UST: variants seen among roughly 807,000 people sequenced by gnomAD.
The protein encoded by UST is uronyl 2-sulfotransferase.
A neutral mutation model predicts 45.6 loss-of-function variants in UST; 21 were observed. The observed-to-expected ratio is 0.46, with a 90% CI of 0.33 to 0.66. UST has a LOEUF of 0.66. Among genes scored for constraint, UST ranks in the 30% least tolerant of loss-of-function variants. The pLI, the probability that UST is intolerant of heterozygous loss-of-function variation, is 0.02. For missense variants in UST, 463 were observed against 512.4 expected (o/e 0.90, Z 0.93); for synonymous variants, 215 against 200.6 (o/e 1.07, Z -0.61).
At chr6:148,827,867 T>C (rs558943252) in intron 1 of UST, among the ~76,000 whole-genome samples, 12 of 152,146 alleles carry the variant, frequency 7.9e-5, no homozygotes, top group Non-Finnish European at 1.6e-4. Context: ...ATTTTTACCC[T>C]CAAGCATGTA....
chr6:148,767,610 G>C (rs1266334222), intron 1 of UST, among the ~76,000 whole-genome samples: 2 of 151,940 alleles, frequency 1.3e-5, no homozygotes, highest in Non-Finnish European at 2.9e-5. Flanking sequence ...TATAGCCAGA[G>C]AAAATAATTG....
chr6:148,823,011 G>C (rs1190866330), intron 1 of UST, among the ~76,000 whole-genome samples: 1 of 152,100 alleles, frequency 6.6e-6, no homozygotes, highest in Admixed American at 6.5e-5. Context: ...TGGGTAAGTG[G>C]GTATATGTGC....
chr6:148,920,069 A>G (rs1779671046), intron 2 of UST, among the ~76,000 whole-genome samples: 1 of 151,364 alleles, frequency 6.6e-6, no homozygotes, highest in African/African-American at 2.5e-5. Flanking sequence ...GAAGGCAGGT[A>G]CACAAAAAAC....
chr6:148,835,984 A>G (rs1777779874), intron 1 of UST, among the ~76,000 whole-genome samples: 1 of 152,144 alleles, frequency 6.6e-6, no homozygotes, highest in African/African-American at 2.4e-5. Context: ...TTGTCTGGCC[A>G]ATAACTTACT....
chr6:148,987,486 A>T lies in UST; in HGVS notation c.681+22923A>T, dbSNP rs118104076. Among the ~76,000 whole-genome samples, 565 of 152,282 alleles carry T rather than the reference A, an allele frequency of 3.7e-3. 2 individuals carry two copies. Among genetic ancestry groups the T allele is most frequent in the Non-Finnish European group, 5.4e-3 (368 of 68,024 alleles). On this transcript the variant is annotated intron_variant, in intron 5 of 7. Coordinates refer to ENST00000367463, the MANE Select transcript of UST (RefSeq NM_005715.3). Reference sequence around the variant, plus strand: ...CACTGCAGACTGTGTAACGTGAATAACAAAAAAAAAATTTCTACTGCACAT... The same window carrying T: ...CACTGCAGACTGTGTAACGTGAATATCAAAAAAAAAATTTCTACTGCACAT...
chr6:149,072,629 G>A (rs1776835335), intron 7 of UST, among the ~76,000 whole-genome samples: 1 of 143,238 alleles, frequency 7.0e-6, no homozygotes, highest in Non-Finnish European at 1.5e-5. Flanking sequence ...CTCCAGCCTG[G>A]ACAACAAGAG....
intron 1 of UST, among the ~76,000 whole-genome samples, chr6:148,854,755 A>G (rs547307292): frequency 6.6e-6 from 1 of 152,336 alleles, no homozygotes; most frequent in African/African-American, 2.4e-5. Flanking sequence ...GTAATACACA[A>G]AACTTGGGTC....
chr6:148,926,341 G>A (rs369160501), intron 2 of UST, among the ~76,000 whole-genome samples: 27 of 152,336 alleles, frequency 1.8e-4, no homozygotes, highest in East Asian at 1.7e-3. Context: ...AAATTAAAAA[G>A]AGAAAGGCCT....
At chr6:148,973,814 A>T (rs1780967020) in intron 5 of UST, among the ~76,000 whole-genome samples, 2 of 152,258 alleles carry the variant, frequency 1.3e-5, no homozygotes, top group African/African-American at 4.8e-5. Flanking sequence ...AGACAGGAAA[A>T]GTAAGTGTAA....
intron 5 of UST, among the ~76,000 whole-genome samples, chr6:149,003,866 C>G (rs1445877741): frequency 6.6e-6 from 1 of 152,240 alleles, no homozygotes; most frequent in East Asian, 1.9e-4. Flanking sequence ...GAGGGCCAGG[C>G]TGGCGTCCCC....
chr6:148,895,553 T>C (rs1363895387), intron 2 of UST, among the ~76,000 whole-genome samples: 1 of 152,162 alleles, frequency 6.6e-6, no homozygotes, highest in Non-Finnish European at 1.5e-5. Flanking sequence ...CAAAATCTCA[T>C]CTTGAATTGT....
intron 7 of UST, among the ~76,000 whole-genome samples, chr6:149,055,709 C>T (rs1776551831): frequency 6.6e-6 from 1 of 152,138 alleles, no homozygotes; most frequent in African/African-American, 2.4e-5. Flanking sequence ...TTTCATTTCC[C>T]CTTTATCACT....
chr6:148,922,360 A>ATGTG (rs1017131958), intron 2 of UST, among the ~76,000 whole-genome samples: 1 of 80,468 alleles, frequency 1.2e-5, no homozygotes, highest in African/African-American at 6.4e-5. Context: ...AATATACAAT[A>ATGTG]TGTGGCCTTT....
Position 148,748,544 on chromosome 6 carries a change from C to G in UST, c.247+867C>G, listed in dbSNP as rs895250866. On this transcript the variant is annotated intron_variant, in intron 1 of 7. Coordinates refer to ENST00000367463, the MANE Select transcript of UST (RefSeq NM_005715.3). This position sits in a 1 kb window ranked among gnomAD's most constrained non-coding sequence, Gnocchi z 5.3. ...AGCCGCTCCAGCGAGAAGGCGTGAC[C>G]CCGCAGCTCCCTCGTCTCGGCTGCG... Among the ~76,000 whole-genome samples, 1 of 151,232 alleles carries G rather than the reference C, an allele frequency of 6.6e-6. No homozygotes were observed. Among genetic ancestry groups the G allele is most frequent in the Non-Finnish European group, 1.5e-5 (1 of 67,748 alleles).
Position 148,790,008 on chromosome 6 carries a change from T to TTC in UST, c.247+42331_247+42332insTC, listed in dbSNP as rs1554216370. Among the ~76,000 whole-genome samples the TTC allele has an allele frequency of 1.4e-5, 2 of 143,162 alleles. No individual in the cohort carries two copies. Among genetic ancestry groups the TTC allele is most frequent in the East Asian group, 3.9e-4 (2 of 5,178 alleles). 93.9% of individuals were successfully genotyped at this position (143,162 alleles called of 152,430 possible). ...AGGATTCTTTTTTTTTTTTTTTTTT[T>TTC]CCAGCTTTAAGTGCCTATCCTTTTT... On this transcript the variant is annotated intron_variant, in intron 1 of 7. Coordinates refer to ENST00000367463, the MANE Select transcript of UST (RefSeq NM_005715.3). This position sits in a 1 kb window ranked among gnomAD's most constrained non-coding sequence, Gnocchi z 4.2.
chr6:149,046,987 G>T (rs1776406043), intron 7 of UST, among the ~76,000 whole-genome samples: 1 of 152,116 alleles, frequency 6.6e-6, no homozygotes, highest in Non-Finnish European at 1.5e-5. Flanking sequence ...GTCTCTGTTT[G>T]GAGTTAAAGA....
At position 148,748,528 on chromosome 6, in the gene UST, A is replaced by G. The variant is rs1012835761; in HGVS notation, c.247+851A>G. ...TTGACGGGAGGGAAAGAGCCGCTCC[A>G]GCGAGAAGGCGTGACCCCGCAGCTC... is the stretch of plus-strand genomic sequence containing the variant. On this transcript the variant is annotated intron_variant, in intron 1 of 7. Transcript: ENST00000367463. This position sits in a 1 kb window ranked among gnomAD's most constrained non-coding sequence, Gnocchi z 5.3. Among the ~76,000 whole-genome samples, 1 of 151,392 alleles carries G rather than the reference A, an allele frequency of 6.6e-6. No homozygotes were observed. The highest frequency in any genetic ancestry group is 2.4e-5 in the African/African-American group (1 of 41,120).
intron 5 of UST, chr6:148,992,969 C>T (rs1781384455): frequency 1.0e-6 from 1 of 982,826 alleles, no homozygotes; most frequent in Non-Finnish European, 1.2e-6. Context: ...TACTGAAATA[C>T]ATTTCTATCC....
chr6:148,820,838 G>A (rs1299215711), intron 1 of UST, among the ~76,000 whole-genome samples: 1 of 141,808 alleles, frequency 7.1e-6, no homozygotes, highest in African/African-American at 2.7e-5. Flanking sequence ...GGGCAACAGA[G>A]CGAGACTCCA....
Sources: allele counts gnomAD v4.1 joint callset (sites outside exome capture counted in the v4.1 genomes callset), GRCh38; gene constraint gnomAD v4.1.1; non-coding constraint Gnocchi (gnomAD v3.1); transcripts MANE v1.5; gene names NCBI Gene and HGNC (gene_info 2026-07-23, HGNC 2026-07-21).